The following SLC26A4 variants were observed in gnomAD, a reference collection of about 807,000 sequenced individuals.
SLC26A4 encodes the protein solute carrier family 26 member 4.
SLC26A4 carries 93 observed loss-of-function variants against 90.4 expected under a neutral mutation model. The ratio of observed to expected loss-of-function variants is 1.03; its 90% CI spans 0.87 to 1.22. The LOEUF (loss-of-function observed/expected upper bound fraction) is 1.22. SLC26A4 is among the 50% of genes most tolerant of loss of function. The probability of loss-of-function intolerance (pLI) is 0.00; values close to 1 mark genes in which losing one functional copy is unlikely to be tolerated. For synonymous variants in SLC26A4, 393 were observed against 354.6 expected, an observed-to-expected ratio of 1.11 and a Z score of -1.22; for missense variants, 1,127 against 946.2, an observed-to-expected ratio of 1.19 and a Z score of -2.51.
At position 107,694,662 on chromosome 7, in the gene SLC26A4, G is replaced by A. The variant is rs1367992231; in HGVS notation, c.1383G>A (p.Met461Ile). 1.9e-6 allele frequency: 3 copies of A among 1,613,804 alleles called. No homozygotes were observed. The highest frequency in any genetic ancestry group is 2.2e-5 in the East Asian group (1 of 44,880). The change falls in exon 12 of 21, where the codon ATG becomes ATA. Residue 461 changes from methionine (M) to isoleucine (I), a missense_variant. Coordinates refer to ENST00000644269, the MANE Select transcript of SLC26A4 (RefSeq NM_000441.2). ...TTGTAATTGCCAACCTGAAAGGGAT[G>A]TTTATGCAGCTGTGTGACATTCCTC... ...AAVVIANLKG[M>I]FMQLCDIPRL...
intron 14 of SLC26A4, 77 bp downstream of exon 14, chr7:107,698,188 G>C: frequency 1.1e-6 from 1 of 921,104 alleles, no homozygotes; most frequent in African/African-American, 1.6e-5. Flanking sequence ...TTACGTACAA[G>C]GTAGCCAAAG....
chr7:107,679,902 A>G (rs1266217285), intron 6 of SLC26A4, among the ~76,000 whole-genome samples: 1 of 130,780 alleles, frequency 7.6e-6, no homozygotes, highest in African/African-American at 3.0e-5. Context: ...ATATAATCTT[A>G]TATTATATGC....
At chr7:107,698,356 C>T (rs1007614505) in intron 14 of SLC26A4, among the ~76,000 whole-genome samples, 6 of 151,332 alleles carry the variant, frequency 4.0e-5, no homozygotes, top group Non-Finnish European at 8.8e-5. Flanking sequence ...TCTCACTCTT[C>T]ACCCAGGCTG....
chr7:107,695,109 C>T (rs546870139), intron 12 of SLC26A4, among the ~76,000 whole-genome samples: 1 of 152,298 alleles, frequency 6.6e-6, no homozygotes, highest in South Asian at 2.1e-4. Flanking sequence ...ACCTTTGCAA[C>T]TATTCTGAGA....
At chr7:107,712,701 G>T (rs1792225132) in intron 20 of SLC26A4, 79 bp downstream of exon 20, 11 of 812,336 alleles carry the variant, frequency 1.4e-5, no homozygotes, top group Admixed American at 1.7e-5. Flanking sequence ...GAATATATCT[G>T]ATTAAGAACT....
chr7:107,667,790 A>C (rs1562820735), intron 3 of SLC26A4, among the ~76,000 whole-genome samples: 1 of 152,154 alleles, frequency 6.6e-6, no homozygotes, highest in Non-Finnish European at 1.5e-5. Flanking sequence ...CTACTCCTTA[A>C]AGGCAGGAGG....
intron 3 of SLC26A4, among the ~76,000 whole-genome samples, chr7:107,671,194 G>C (rs568406899): frequency 6.6e-6 from 1 of 152,046 alleles, no homozygotes; most frequent in Admixed American, 6.5e-5. Flanking sequence ...ATAAGGTCTT[G>C]CTCTGTTGCC....
intron 6 of SLC26A4, 89 bp from the exon 7 acceptor site, chr7:107,683,113 A>C (rs1354553610): frequency 1.0e-6 from 1 of 955,908 alleles, no homozygotes; most frequent in East Asian, 2.6e-5. Flanking sequence ...GGGAAGATTC[A>C]TATGAGAATT....
chr7:107,694,176 C>T (rs1307129682), intron 10 of SLC26A4, among the ~76,000 whole-genome samples: 1 of 152,176 alleles, frequency 6.6e-6, no homozygotes, highest in Non-Finnish European at 1.5e-5. Flanking sequence ...GATCAGTCCC[C>T]ATATTTTCTT....
At chr7:107,673,934 T>C (rs1790941643) in intron 4 of SLC26A4, among the ~76,000 whole-genome samples, 1 of 152,042 alleles carries the variant, frequency 6.6e-6, no homozygotes, top group Admixed American at 6.6e-5. Flanking sequence ...TTTTACTATG[T>C]TGCTTAGGCT....
rs962265618 is a variant in SLC26A4, at chr7:107,683,588, C to T, written c.1001+51C>T. On this transcript the variant is annotated intron_variant, in intron 8 of 20. Transcript: ENST00000644269. The stretch of plus-strand genomic sequence containing the variant: ...TAATACATTAAGTCAGTAAGTCAGT[C>T]TTTTTTATTTAAATAAAACCTTTTA... 4.6e-5 allele frequency: 65 copies of T among 1,415,424 alleles called. No individual in the cohort carries two copies. In the South Asian group the frequency reaches 7.4e-4, roughly 16 times the overall value. 87.7% of individuals were successfully genotyped at this position (1,415,424 alleles called of 1,614,324 possible).
At chr7:107,668,333 T>C (rs923576026) in intron 3 of SLC26A4, among the ~76,000 whole-genome samples, 3 of 151,952 alleles carry the variant, frequency 2.0e-5, no homozygotes, top group Non-Finnish European at 4.4e-5. Flanking sequence ...AGAAAGTGGA[T>C]CGGTTAATTA....
At chr7:107,665,050 A>G (rs1056531095) in intron 3 of SLC26A4, among the ~76,000 whole-genome samples, 6 of 152,078 alleles carry the variant, frequency 3.9e-5, no homozygotes, top group Non-Finnish European at 8.8e-5. Context: ...ATTACTTGCT[A>G]AGGGAGTGCA....
At chr7:107,683,073 G>A in intron 6 of SLC26A4, 129 bp from the exon 7 acceptor site, 1 of 719,660 alleles carries the variant, frequency 1.4e-6, no homozygotes, top group Non-Finnish European at 2.3e-6. Flanking sequence ...TTTGAGTGTT[G>A]TTTGATGCTG....
chr7:107,690,276 A>G (rs1238487785), intron 10 of SLC26A4, 39 bp downstream of exon 10: 2 of 1,214,740 alleles, frequency 1.6e-6, no homozygotes, highest in African/African-American at 1.5e-5. Context: ...CTCAGAGAAC[A>G]AGTCGAGGAA....
Position 107,675,091 on chromosome 7 carries a change from A to G in SLC26A4, c.747A>G (p.Gly249=). 1.2e-6 allele frequency: 2 copies of G among 1,613,846 alleles called. No homozygotes were observed. The highest frequency in any genetic ancestry group is 1.7e-6 in the Non-Finnish European group (2 of 1,179,886). Residue 249 remains glycine, a synonymous_variant, in exon 6 of 21, where the codon GGA becomes GGG. Coordinates refer to ENST00000644269, the MANE Select transcript of SLC26A4 (RefSeq NM_000441.2). ...ATGTTTCAACCAAAAACTACAATGG[A>G]GTTCTCTCTATTATCTATGTAAGTG... ...VLNVSTKNYN[G]VLSIIYTLVE...
At chr7:107,699,702 GT>G (rs945969030) in intron 14 of SLC26A4, among the ~76,000 whole-genome samples, 3 of 152,110 alleles carry the variant, frequency 2.0e-5, no homozygotes, top group African/African-American at 7.2e-5. Context: ...GCTGAGGCGG[GT>G]GAATCACTTG....
intron 16 of SLC26A4, 56 bp from the exon 17 acceptor site, chr7:107,701,771 T>C: frequency 8.8e-7 from 1 of 1,131,560 alleles, no homozygotes; most frequent in Non-Finnish European, 1.3e-6. Flanking sequence ...TTGATATGAA[T>C]GGTTGAAAGA....
chr7:107,663,405 G>A lies in SLC26A4; in HGVS notation c.274G>A (p.Val92Ile). Residue 92 changes from valine (V) to isoleucine (I), a missense_variant, in exon 3 of 21, where the codon GTT (valine) becomes ATT (isoleucine). Coordinates refer to ENST00000644269, the MANE Select transcript of SLC26A4 (RefSeq NM_000441.2). The stretch of plus-strand genomic sequence containing the variant: ...GCTGCTTAGTGACGTCATTTCGGGA[G>A]TTAGTACTGGGCTAGTGGCCACGCT... ...EWLLSDVISGVSTGLVATLQG... is the reference protein window; with the variant it reads ...EWLLSDVISGISTGLVATLQG... The A allele has an allele frequency of 6.2e-7, 1 of 1,614,106 alleles. No individual in the cohort carries two copies. Among genetic ancestry groups the A allele is most frequent in the Non-Finnish European group, 8.5e-7 (1 of 1,179,990 alleles).
Sources: allele counts gnomAD v4.1 joint callset (sites outside exome capture counted in the v4.1 genomes callset), GRCh38; gene constraint gnomAD v4.1.1; transcripts MANE v1.5; gene names NCBI Gene and HGNC (gene_info 2026-07-23, HGNC 2026-07-21).